RAPGEF6: variants seen among roughly 807,000 people sequenced by gnomAD.
RAPGEF6 encodes Rap guanine nucleotide exchange factor 6.
In RAPGEF6, 56 loss-of-function variants were observed where a neutral mutation model predicts 171.4. The ratio of observed to expected loss-of-function variants is 0.33; its 90% CI spans 0.26 to 0.41. RAPGEF6 has a LOEUF of 0.41. Ranked by LOEUF, RAPGEF6 falls within the 10% of genes least tolerant of loss-of-function variation. The probability of loss-of-function intolerance (pLI) is 1.00; values close to 1 mark genes in which losing one functional copy is unlikely to be tolerated. For missense variants in RAPGEF6, 1,674 were observed against 1,921.4 expected (o/e 0.87, Z 2.41); for synonymous variants, 692 against 650.1 (o/e 1.06, Z -0.98).
chr5:131,574,747 C>T (rs1057394198), intron 4 of RAPGEF6, among the ~76,000 whole-genome samples: 5 of 152,036 alleles, frequency 3.3e-5, no homozygotes, highest in African/African-American at 1.2e-4. Context: ...TGTCTCCCTC[C>T]CTACCTTAAT....
intron 3 of RAPGEF6, among the ~76,000 whole-genome samples, chr5:131,600,888 A>G (rs1003681822): frequency 6.6e-6 from 1 of 151,970 alleles, no homozygotes; most frequent in Non-Finnish European, 1.5e-5. Flanking sequence ...TTTTTTTAAA[A>G]CAGGACACAA....
chr5:131,564,189 T>G (rs989338495), intron 4 of RAPGEF6, among the ~76,000 whole-genome samples: 1 of 152,124 alleles, frequency 6.6e-6, no homozygotes, highest in Non-Finnish European at 1.5e-5. Context: ...ACTTAGAATT[T>G]GCAAGGCAGT....
chr5:131,597,207 A>G (rs1205015003), intron 3 of RAPGEF6, among the ~76,000 whole-genome samples: 1 of 152,164 alleles, frequency 6.6e-6, no homozygotes, highest in Admixed American at 6.6e-5. Flanking sequence ...TACCATCAAA[A>G]AGACGAAAAC....
rs553114603 is a variant in RAPGEF6 at position 131,523,865 on chromosome 5, T to C, written c.496-2344A>G. 1.7e-3 allele frequency among the ~76,000 whole-genome samples: 252 copies of C among 151,998 alleles called. 1 individual carries two copies. Among genetic ancestry groups the C allele is most frequent in the Non-Finnish European group, 1.8e-3 (124 of 67,966 alleles). On this transcript the variant is annotated intron_variant, in intron 6 of 27. Transcript: ENST00000509018. ...CCATACCTATGCACACCAGGGTACA[T>C]GTGGCAGGGGGTGAGGTGGAGTATC...
chr5:131,495,021 C>T (rs774586883), intron 13 of RAPGEF6, among the ~76,000 whole-genome samples: 1 of 151,954 alleles, frequency 6.6e-6, no homozygotes, highest in South Asian at 2.1e-4. Context: ...GGCCAGGCGC[C>T]GTGGCTCAGA....
chr5:131,620,388 C>T (rs1317700003), intron 1 of RAPGEF6, among the ~76,000 whole-genome samples: 1 of 152,206 alleles, frequency 6.6e-6, no homozygotes, highest in African/African-American at 2.4e-5. Context: ...ACCTGGCTGA[C>T]CCATCAGCAA....
At chr5:131,545,553 G>T (rs1297800028) in intron 6 of RAPGEF6, among the ~76,000 whole-genome samples, 2 of 152,124 alleles carry the variant, frequency 1.3e-5, no homozygotes, top group Non-Finnish European at 2.9e-5. Flanking sequence ...TCTACTTGCT[G>T]CTCTCATAAA....
At chr5:131,600,959 A>G (rs10054049) in intron 3 of RAPGEF6, among the ~76,000 whole-genome samples, 20,071 of 151,990 alleles carry the variant, frequency 0.13, 3,785 homozygotes, top group African/African-American at 0.42. Flanking sequence ...AAAGATGCCA[A>G]TAATAGAGCA....
intron 11 of RAPGEF6, 67 bp downstream of exon 11, chr5:131,504,559 A>C: frequency 6.9e-7 from 1 of 1,452,320 alleles, no homozygotes; most frequent in Non-Finnish European, 9.2e-7. Flanking sequence ...AAAATGGTTT[A>C]AAACAAGATG....
chr5:131,492,402 A>G (rs1430238236), intron 14 of RAPGEF6, among the ~76,000 whole-genome samples, 180 bp downstream of exon 14: 1 of 152,190 alleles, frequency 6.6e-6, no homozygotes, highest in African/African-American at 2.4e-5. Context: ...TTTTCCATTA[A>G]AAGTAATAAA....
chr5:131,625,870 T>C (rs1303294353), intron 1 of RAPGEF6, among the ~76,000 whole-genome samples: 2 of 151,884 alleles, frequency 1.3e-5, no homozygotes, highest in Non-Finnish European at 2.9e-5. Flanking sequence ...TAATCACTAG[T>C]AGTCTTACCT....
At chr5:131,590,450 T>G (rs552923982) in intron 4 of RAPGEF6, among the ~76,000 whole-genome samples, 1 of 152,176 alleles carries the variant, frequency 6.6e-6, no homozygotes, top group Non-Finnish European at 1.5e-5. Flanking sequence ...AATTACGGTA[T>G]GGTTTCTGTA....
intron 3 of RAPGEF6, among the ~76,000 whole-genome samples, chr5:131,598,824 T>C (rs918674616): frequency 1.3e-5 from 2 of 152,214 alleles, no homozygotes; most frequent in African/African-American, 4.8e-5. Flanking sequence ...GATTTAATGC[T>C]ATCCTAATCC....
chr5:131,547,725 G>T (rs1031587200), intron 6 of RAPGEF6, among the ~76,000 whole-genome samples: 5 of 151,758 alleles, frequency 3.3e-5, no homozygotes, highest in African/African-American at 1.2e-4. Context: ...TGGCCAGGCT[G>T]GTCTTGAACT....
At chr5:131,607,320 A>T (rs184779105) in intron 1 of RAPGEF6, among the ~76,000 whole-genome samples, 123 of 152,334 alleles carry the variant, frequency 8.1e-4, no homozygotes, top group Admixed American at 3.0e-3. Flanking sequence ...GAGAAAGCAG[A>T]CAGATCCTAA....
rs3836731 is a variant in RAPGEF6, at chr5:131,471,741, C to CA, written c.2239+845dup. ...TTTTGCCTCAAGACATGAATAGACG[C>CA]AAAAAAAAAATAACTTGACATCCCA... On this transcript the variant is annotated intron_variant, in intron 17 of 27. Coordinates refer to ENST00000509018, the MANE Select transcript of RAPGEF6 (RefSeq NM_016340.6). Among the ~76,000 whole-genome samples the CA allele has an allele frequency of 6.8e-3, 1,009 of 148,622 alleles. 13 individuals are homozygous for CA. The highest frequency in any genetic ancestry group is 0.023 in the African/African-American group (922 of 40,370).
intron 14 of RAPGEF6, 21 bp from the exon 15 acceptor site, chr5:131,489,675 A>G (rs1300154934): frequency 7.6e-7 from 1 of 1,310,918 alleles, no homozygotes. Flanking sequence ...TTTAAAAAAT[A>G]CAAATTAATA....
At chr5:131,524,310 G>C (rs1053911343) in intron 6 of RAPGEF6, among the ~76,000 whole-genome samples, 1 of 152,142 alleles carries the variant, frequency 6.6e-6, no homozygotes, top group Non-Finnish European at 1.5e-5. Context: ...ACTACAGAAT[G>C]TAAGTCTGGA....
In RAPGEF6 at chr5:131,614,695, G is replaced by A. The variant is rs577647397; in HGVS notation, c.70-10002C>T. Among the ~76,000 whole-genome samples the A allele has an allele frequency of 7.9e-5, 12 of 152,276 alleles. No individual in the cohort carries two copies. In the South Asian group the frequency reaches 1.5e-3, roughly 18 times the overall value. On this transcript the variant is annotated intron_variant, in intron 1 of 27. Transcript: ENST00000509018. Reference sequence around the variant, plus strand: ...ACCATATCAAGGGTCTACAACATACGCAATGGACAGTACAGGTGGTCCACA... The same window carrying A: ...ACCATATCAAGGGTCTACAACATACACAATGGACAGTACAGGTGGTCCACA...
Sources: allele counts gnomAD v4.1 joint callset (sites outside exome capture counted in the v4.1 genomes callset), GRCh38; gene constraint gnomAD v4.1.1; transcripts MANE v1.5; gene names NCBI Gene and HGNC (gene_info 2026-07-23, HGNC 2026-07-21).